Variants in LHPP observed in about 807,000 individuals in gnomAD.
LHPP encodes the protein phospholysine phosphohistidine inorganic pyrophosphate phosphatase.
LHPP carries 24 observed loss-of-function variants against 30.3 expected under a neutral mutation model. The ratio of observed to expected loss-of-function variants is 0.79; its 90% CI spans 0.57 to 1.11. The LOEUF (loss-of-function observed/expected upper bound fraction) is 1.11, where lower values mean the gene tolerates loss of function less well. Among genes scored for constraint, LHPP ranks in the 50% most tolerant of loss-of-function variants. The pLI is 0.00. For missense variants in LHPP, 356 were observed against 367.2 expected (o/e 0.97, Z 0.25); for synonymous variants, 150 against 157.1 (o/e 0.95, Z 0.34).
At chr10:124,603,258 G>A (rs948897286) in intron 6 of LHPP, among the ~76,000 whole-genome samples, 1 of 152,206 alleles carries the variant, frequency 6.6e-6, no homozygotes. Flanking sequence ...CCCAGCCCGG[G>A]TGCACAGCTT....
rs1446660168 is a variant in LHPP at position 124,570,389 on chromosome 10, A to C, written c.717-42875A>C. Among the ~76,000 whole-genome samples the C allele has an allele frequency of 2.0e-5, 3 of 152,360 alleles. No individual in the cohort carries two copies. In the East Asian group the frequency reaches 5.8e-4, roughly 29 times the overall value. ...GCTGGCCCAGGGGCCTTTGGAATGAAGGGGACAGTCGGTGAGCTGAGGTTG... is the reference window on the plus strand; with the variant it reads ...GCTGGCCCAGGGGCCTTTGGAATGACGGGGACAGTCGGTGAGCTGAGGTTG... On this transcript the variant is annotated intron_variant, in intron 6 of 6. Transcript: ENST00000368842.
intron 1 of LHPP, among the ~76,000 whole-genome samples, chr10:124,479,166 G>C (rs1309751059): frequency 6.6e-6 from 1 of 152,168 alleles, no homozygotes; most frequent in Non-Finnish European, 1.5e-5. Context: ...GCTGAGGTGG[G>C]GGCCATGGTC....
intron 6 of LHPP, among the ~76,000 whole-genome samples, chr10:124,554,962 A>T (rs1948269443): frequency 6.6e-6 from 1 of 152,242 alleles, no homozygotes; most frequent in African/African-American, 2.4e-5. Context: ...CTGCACAGAC[A>T]TAATTCACTG....
chr10:124,495,426 C>T (rs765857859), intron 3 of LHPP, among the ~76,000 whole-genome samples: 9 of 152,230 alleles, frequency 5.9e-5, no homozygotes, highest in Admixed American at 3.9e-4. Context: ...GGCTGAAGCC[C>T]GTACCTGCAG....
intron 1 of LHPP, among the ~76,000 whole-genome samples, chr10:124,477,467 G>C (rs185348945): frequency 2.0e-3 from 312 of 152,226 alleles, no homozygotes; most frequent in African/African-American, 6.5e-3. Context: ...AGCCTGATGT[G>C]GGGGAGCGCT....
chr10:124,576,966 C>T lies in LHPP; in HGVS notation c.717-36298C>T, dbSNP rs1948671668. Among the ~76,000 whole-genome samples, 1 of 152,184 alleles carries T rather than the reference C, an allele frequency of 6.6e-6. No homozygotes were observed. ...GTACATTGCTCCGCCCTCTCAACAGCCACGACCCAGAAATAAAGTAGGCAC... is the reference window on the plus strand; with the variant it reads ...GTACATTGCTCCGCCCTCTCAACAGTCACGACCCAGAAATAAAGTAGGCAC... On this transcript the variant is annotated intron_variant, in intron 6 of 6. Coordinates refer to ENST00000368842, the MANE Select transcript of LHPP (RefSeq NM_022126.4). The surrounding 1 kb of genome is among the most constrained non-coding windows in gnomAD (Gnocchi z 4.2).
chr10:124,514,988 G>A (rs1321081211), intron 5 of LHPP, among the ~76,000 whole-genome samples: 1 of 151,990 alleles, frequency 6.6e-6, no homozygotes, highest in African/African-American at 2.4e-5. Context: ...TTTTTATAGA[G>A]ACAGGGTCTT....
chr10:124,613,180 C>A, intron 6 of LHPP, 84 bp from the exon 7 acceptor site: 1 of 1,068,908 alleles, frequency 9.4e-7, no homozygotes, highest in Non-Finnish European at 1.5e-6. Context: ...TAAGGCCAGG[C>A]CCATGTTAGA....
intron 6 of LHPP, among the ~76,000 whole-genome samples, chr10:124,608,597 A>G (rs995016894): frequency 6.6e-6 from 1 of 152,240 alleles, no homozygotes; most frequent in African/African-American, 2.4e-5. Context: ...CTCATGGCAC[A>G]GATGAGGAAA....
At chr10:124,543,019 G>A (rs1259412037) in intron 6 of LHPP, among the ~76,000 whole-genome samples, 1 of 152,220 alleles carries the variant, frequency 6.6e-6, no homozygotes, top group Non-Finnish European at 1.5e-5. Context: ...TGCCCTGTGA[G>A]TGGGGGCTGC....
At chr10:124,579,458 T>C (rs1948717027) in intron 6 of LHPP, among the ~76,000 whole-genome samples, 1 of 152,136 alleles carries the variant, frequency 6.6e-6, no homozygotes. Flanking sequence ...AACTGTGCTG[T>C]AGCATTTCAA....
At position 124,498,100 on chromosome 10, in the gene LHPP, T is replaced by C. The variant is rs772361101; in HGVS notation, c.596T>C (p.Leu199Pro). Residue 199 changes from leucine to proline, a missense_variant, in exon 5 of 7, where the codon CTG (leucine) becomes CCG (proline). Coordinates refer to ENST00000368842, the MANE Select transcript of LHPP (RefSeq NM_022126.4). ...KPSPEFFKSA[L>P]QAIGVEAHQA... Reference sequence around the variant, plus strand: ...TCTCCTGAGTTTTTCAAGTCTGCCCTGCAAGCGATAGGAGTGGAAGCCCAC... The same window carrying C: ...TCTCCTGAGTTTTTCAAGTCTGCCCCGCAAGCGATAGGAGTGGAAGCCCAC... 5 of 1,614,204 alleles carry C rather than the reference T, an allele frequency of 3.1e-6. No homozygotes were observed. The highest frequency in any genetic ancestry group is 1.1e-5 in the South Asian group (1 of 91,084).
rs538406376 is a variant in LHPP at position 124,477,105 on chromosome 10, A to T, written c.126-7034A>T. Among the ~76,000 whole-genome samples the T allele has an allele frequency of 2.1e-4, 32 of 152,312 alleles. 1 individual carries two copies. The South Asian group carries it at 6.6e-3, about 32-fold the overall frequency. ...GTAGTCCCAACTACTCGGGAGGTTG[A>T]GGCAGGAGAATCGCTTGAACCTGGG... On this transcript the variant is annotated intron_variant, in intron 1 of 6. Transcript: ENST00000368842.
intron 6 of LHPP, among the ~76,000 whole-genome samples, chr10:124,612,528 C>G (rs111355396): frequency 6.6e-6 from 1 of 152,360 alleles, no homozygotes; most frequent in African/African-American, 2.4e-5. Context: ...CTTCAGGACT[C>G]AGCCCACAGC....
At chr10:124,574,378 AG>A (rs1157254842) in intron 6 of LHPP, among the ~76,000 whole-genome samples, 2 of 152,010 alleles carry the variant, frequency 1.3e-5, no homozygotes, top group African/African-American at 4.8e-5. Flanking sequence ...GGGCCCCAAG[AG>A]GGGCCCTCGG....
intron 6 of LHPP, among the ~76,000 whole-genome samples, chr10:124,556,315 C>T (rs1366985197): frequency 6.6e-6 from 1 of 152,190 alleles, no homozygotes; most frequent in Non-Finnish European, 1.5e-5. Context: ...CTTCCCAGTG[C>T]CCAGTTCCAG....
intron 1 of LHPP, among the ~76,000 whole-genome samples, chr10:124,470,956 T>A (rs1952714869): frequency 6.6e-6 from 1 of 152,168 alleles, no homozygotes; most frequent in Non-Finnish European, 1.5e-5. Flanking sequence ...GAGCCGGTGC[T>A]CTTTCACCCT....
At chr10:124,472,829 A>G (rs1487582379) in intron 1 of LHPP, among the ~76,000 whole-genome samples, 1 of 152,220 alleles carries the variant, frequency 6.6e-6, no homozygotes, top group Admixed American at 6.5e-5. Flanking sequence ...AAGTGCTGGG[A>G]TTACAGGCGT....
At chr10:124,609,146 A>G (rs1949133116) in intron 6 of LHPP, among the ~76,000 whole-genome samples, 1 of 152,202 alleles carries the variant, frequency 6.6e-6, no homozygotes, top group Non-Finnish European at 1.5e-5. Context: ...TCTCTCTTGC[A>G]TATTACTCTC....
Sources: gnomAD v4.1 joint callset for allele counts (sites outside exome capture counted in the v4.1 genomes callset) on GRCh38, gnomAD v4.1.1 for gene constraint, Gnocchi (gnomAD v3.1) non-coding constraint, MANE v1.5 for transcripts, NCBI Gene and HGNC (gene_info 2026-07-23, HGNC 2026-07-21) for gene names.